The following SENP7 variants were observed in gnomAD, a reference collection of about 807,000 sequenced individuals.
SENP7 encodes the protein SUMO specific peptidase 7, also known as sentrin-specific protease 7.
In SENP7, 64 loss-of-function variants were observed where a neutral mutation model predicts 141.2. The ratio of observed to expected loss-of-function variants is 0.45; its 90% CI spans 0.37 to 0.56. The LOEUF is 0.56. Among genes scored for constraint, SENP7 ranks in the 20% least tolerant of loss-of-function variants. The probability of loss-of-function intolerance (pLI) is 0.00; values close to 1 mark genes in which losing one functional copy is unlikely to be tolerated. For missense variants in SENP7, 1,025 were observed against 1,212.2 expected (o/e 0.85, Z 2.29); for synonymous variants, 382 against 426.4 (o/e 0.90, Z 1.28).
chr3:101,433,598 CA>C (rs2062267679), intron 4 of SENP7, among the ~76,000 whole-genome samples: 1 of 151,642 alleles, frequency 6.6e-6, no homozygotes, highest in Non-Finnish European at 1.5e-5. Context: ...CAATGAAAAC[CA>C]AAAAAGAACA....
intron 11 of SENP7, chr3:101,357,969 C>A: frequency 1.5e-6 from 1 of 651,312 alleles, no homozygotes; most frequent in Admixed American, 2.6e-5. Context: ...CACCCCTCAC[C>A]CCTTTTTTCA....
chr3:101,495,195 A>G (rs1179531849), intron 2 of SENP7, among the ~76,000 whole-genome samples: 1 of 152,196 alleles, frequency 6.6e-6, no homozygotes, highest in African/African-American at 2.4e-5. Context: ...CAAAACGACA[A>G]CGAGACACCA....
chr3:101,379,491 C>G (rs2060434369), intron 6 of SENP7, among the ~76,000 whole-genome samples: 1 of 151,632 alleles, frequency 6.6e-6, no homozygotes, highest in Non-Finnish European at 1.5e-5. Context: ...CTACAACTTA[C>G]AAAAAAAATC....
chr3:101,467,385 G>A (rs2063798571), intron 3 of SENP7, among the ~76,000 whole-genome samples: 1 of 152,368 alleles, frequency 6.6e-6, no homozygotes, highest in Admixed American at 6.5e-5. Flanking sequence ...CTCCTCAAGT[G>A]GGTCAATGAC....
intron 6 of SENP7, among the ~76,000 whole-genome samples, chr3:101,376,004 T>C (rs1376483707): frequency 1.3e-5 from 2 of 152,140 alleles, no homozygotes; most frequent in Admixed American, 1.3e-4. Context: ...GGTAACACAG[T>C]TTCTGCTTGA....
intron 3 of SENP7, among the ~76,000 whole-genome samples, chr3:101,489,957 G>A (rs970296934): frequency 2.0e-5 from 3 of 152,206 alleles, no homozygotes; most frequent in Non-Finnish European, 4.4e-5. Context: ...GGCCAAGGCA[G>A]GCGGATCACC....
chr3:101,396,259 A>G (rs1391799600), intron 6 of SENP7, among the ~76,000 whole-genome samples: 2 of 152,218 alleles, frequency 1.3e-5, no homozygotes, highest in Non-Finnish European at 2.9e-5. Flanking sequence ...ATGACCAGAA[A>G]TATTATACCT....
chr3:101,478,933 C>T (rs9828111), intron 3 of SENP7, among the ~76,000 whole-genome samples: 82,272 of 151,790 alleles, frequency 0.54, 22,762 homozygotes, highest in African/African-American at 0.64. Context: ...ATCACATCAA[C>T]AGGATGAAAA....
At chr3:101,463,381 A>G (rs1036919001) in intron 3 of SENP7, among the ~76,000 whole-genome samples, 1 of 79,302 alleles carries the variant, frequency 1.3e-5, no homozygotes, top group African/African-American at 5.7e-5. Flanking sequence ...ATATATATAT[A>G]TATATATATA....
chr3:101,475,520 G>A (rs1223218465), intron 3 of SENP7, among the ~76,000 whole-genome samples: 4 of 152,006 alleles, frequency 2.6e-5, no homozygotes, highest in Non-Finnish European at 4.4e-5. Flanking sequence ...ACACTGGTGG[G>A]GAATAATACA....
intron 3 of SENP7, among the ~76,000 whole-genome samples, chr3:101,467,240 C>A (rs2063792800): frequency 6.6e-6 from 1 of 152,264 alleles, no homozygotes. Context: ...CTAGACTCCA[C>A]CTCTGCGGGC....
intron 3 of SENP7, among the ~76,000 whole-genome samples, chr3:101,475,649 T>C (rs1559883113): frequency 6.6e-6 from 1 of 152,100 alleles, no homozygotes; most frequent in Non-Finnish European, 1.5e-5. Context: ...ATGGCACACG[T>C]TTACCTATTT....
rs77407268 is a variant in SENP7, at chr3:101,329,193, T to A, written c.2752-504A>T. Among the ~76,000 whole-genome samples, 1,193 of 152,328 alleles carry A rather than the reference T, an allele frequency of 7.8e-3. 22 individuals carry two copies. The highest frequency in any genetic ancestry group is 0.028 in the African/African-American group (1,155 of 41,576). The stretch of plus-strand genomic sequence containing the variant: ...GCACATTTATTTAATGCAGACCTTC[T>A]CAGTGCCTTTATTATTCTAACATAA... On this transcript the variant is annotated intron_variant, in intron 20 of 23. Transcript: ENST00000394095.
At chr3:101,346,858 G>C (rs752891139) in intron 13 of SENP7, among the ~76,000 whole-genome samples, 23 of 151,232 alleles carry the variant, frequency 1.5e-4, no homozygotes, top group Non-Finnish European at 1.5e-5. Context: ...TACCACTAAA[G>C]AACTTATGTA....
At chr3:101,436,453 A>C (rs996604217) in intron 4 of SENP7, among the ~76,000 whole-genome samples, 1 of 152,178 alleles carries the variant, frequency 6.6e-6, no homozygotes, top group Admixed American at 6.5e-5. Flanking sequence ...GCTTCTGTAC[A>C]TGAAAGGATA....
At chr3:101,393,962 T>C (rs1488333178) in intron 6 of SENP7, among the ~76,000 whole-genome samples, 2 of 152,246 alleles carry the variant, frequency 1.3e-5, no homozygotes, top group Non-Finnish European at 2.9e-5. Flanking sequence ...TTTCCATGTG[T>C]TGGGAACATT....
At chr3:101,435,231 T>TA (rs34513360) in intron 4 of SENP7, among the ~76,000 whole-genome samples, 99 of 150,934 alleles carry the variant, frequency 6.6e-4, no homozygotes, top group African/African-American at 9.0e-4. Context: ...TTCTTCATAA[T>TA]AAAAAAAAAA....
intron 1 of SENP7, among the ~76,000 whole-genome samples, chr3:101,508,582 G>A (rs1347059633): frequency 1.3e-5 from 2 of 151,642 alleles, no homozygotes; most frequent in Non-Finnish European, 2.9e-5. Flanking sequence ...CTGGGGGGCA[G>A]AGTGAGACCC....
chr3:101,459,054 T>G lies in SENP7; in HGVS notation c.187-2A>C. On this transcript the variant is annotated splice_acceptor_variant, in intron 3 of 23. Coordinates refer to ENST00000394095, the MANE Select transcript of SENP7 (RefSeq NM_020654.5). LOFTEE classifies it high-confidence loss of function. ...TTTATTCCTTAGGCTTCTTTCCCACTAGGAAAAAAAAAATGAAATTTTAAT... is the reference window on the plus strand; with the variant it reads ...TTTATTCCTTAGGCTTCTTTCCCACGAGGAAAAAAAAAATGAAATTTTAAT... 1 of 1,520,658 alleles carries G rather than the reference T, an allele frequency of 6.6e-7. No homozygotes were observed. Among genetic ancestry groups the G allele is most frequent in the South Asian group, 1.2e-5 (1 of 82,532 alleles). The allele number at this position is 1,520,658 out of a possible 1,614,324, so 94.2% of individuals were successfully genotyped here.
Sources: allele counts gnomAD v4.1 joint callset (sites outside exome capture counted in the v4.1 genomes callset), GRCh38; gene constraint gnomAD v4.1.1; transcripts MANE v1.5; gene names NCBI Gene and HGNC (gene_info 2026-07-23, HGNC 2026-07-21).